Variants in OCA2 observed in about 807,000 individuals in gnomAD.
The protein encoded by OCA2 is OCA2 melanosomal transmembrane protein, also known as P protein.
Under a neutral mutation model 100.2 loss-of-function variants are expected in OCA2, and 77 were observed. The ratio of observed to expected loss-of-function variants is 0.77; its 90% CI spans 0.64 to 0.93. OCA2 has a LOEUF of 0.93. Ranked by LOEUF, OCA2 falls within the 40% of genes least tolerant of loss-of-function variation. The pLI, the probability that OCA2 is intolerant of heterozygous loss-of-function variation, is 0.00. For missense variants in OCA2, 1,062 were observed against 1,089.1 expected (o/e 0.98, Z 0.35); for synonymous variants, 432 against 439.2 (o/e 0.98, Z 0.21).
At chr15:27,871,300 C>A in intron 20 of OCA2, 42 bp from the exon 21 acceptor site, 1 of 1,481,804 alleles carries the variant, frequency 6.7e-7, no homozygotes, top group African/African-American at 1.4e-5. Flanking sequence ...CCATCGCATG[C>A]ACTTAGGGTC....
At chr15:27,858,873 C>A (rs528325072) in intron 21 of OCA2, among the ~76,000 whole-genome samples, 2 of 151,642 alleles carry the variant, frequency 1.3e-5, no homozygotes, top group African/African-American at 4.8e-5. Flanking sequence ...TAGAATGAAA[C>A]TAGAAATCAG....
chr15:27,871,258 T>C lies in OCA2; in HGVS notation c.2140A>G (p.Met714Val). The C allele has an allele frequency of 6.2e-7, 1 of 1,612,456 alleles. No individual in the cohort carries two copies. Among genetic ancestry groups the C allele is most frequent in the South Asian group, 1.1e-5 (1 of 91,054 alleles). Residue 714 changes from methionine to valine, a missense_variant and splice_region_variant, in exon 21 of 24, where the codon ATG becomes GTG. Coordinates refer to ENST00000354638, the MANE Select transcript of OCA2 (RefSeq NM_000275.3). Reference protein sequence around the residue: ...VGEQTALLIKMVPEEQRLIAA... With the variant: ...VGEQTALLIKVVPEEQRLIAA... ...ATGAGGCGCTGCTCCTCTGGGACCATCTGGAAGGAGGACAATAGCAGCTGC... is the reference window on the plus strand; with the variant it reads ...ATGAGGCGCTGCTCCTCTGGGACCACCTGGAAGGAGGACAATAGCAGCTGC...
intron 21 of OCA2, among the ~76,000 whole-genome samples, chr15:27,857,454 C>T (rs56801223): frequency 0.034 from 5,180 of 151,950 alleles, 287 homozygotes; most frequent in African/African-American, 0.12. Flanking sequence ...TTTAGTTTTG[C>T]AAGGAAAAGA....
rs769170049 is a variant in OCA2, at chr15:27,755,368, G to A, written c.*20C>T. On this transcript the variant is annotated 3_prime_UTR_variant, in exon 24 of 24. Coordinates refer to ENST00000354638, the MANE Select transcript of OCA2 (RefSeq NM_000275.3). ...ATGGATGAAGTTTCCTTTAGTCTTC[G>A]AGCAATAGATGGATGTCTATTAATT... 81 of 1,568,930 alleles carry A rather than the reference G, an allele frequency of 5.2e-5. No individual in the cohort carries two copies. The Admixed American group carries it at 1.2e-3, about 23-fold the overall frequency.
chr15:27,826,768 G>C (rs975952449), intron 23 of OCA2, among the ~76,000 whole-genome samples: 1 of 152,206 alleles, frequency 6.6e-6, no homozygotes, highest in Non-Finnish European at 1.5e-5. Context: ...AAGGCATCGA[G>C]ACTCCCCACT....
At chr15:27,767,738 AT>A (rs1229191250) in intron 23 of OCA2, among the ~76,000 whole-genome samples, 1 of 148,408 alleles carries the variant, frequency 6.7e-6, no homozygotes, top group African/African-American at 2.4e-5. Context: ...ACTCTGTAAA[AT>A]GGACTAATCA....
At chr15:27,799,988 T>C (rs934156667) in intron 23 of OCA2, among the ~76,000 whole-genome samples, 1 of 152,178 alleles carries the variant, frequency 6.6e-6, no homozygotes, top group Non-Finnish European at 1.5e-5. Flanking sequence ...TGTAAGGATT[T>C]GGGTCATACA....
chr15:28,046,800 T>C (rs1341920942), intron 2 of OCA2, among the ~76,000 whole-genome samples: 1 of 152,212 alleles, frequency 6.6e-6, no homozygotes, highest in Non-Finnish European at 1.5e-5. Context: ...TTGGGGTTAT[T>C]CCTTTTATAG....
chr15:27,815,870 G>A (rs1363583768), intron 23 of OCA2, among the ~76,000 whole-genome samples: 3 of 152,190 alleles, frequency 2.0e-5, no homozygotes, highest in Admixed American at 6.5e-5. Context: ...GGTGGCTCAC[G>A]CCTATAATCC....
chr15:27,822,652 C>T (rs562814382), intron 23 of OCA2, among the ~76,000 whole-genome samples: 2 of 152,168 alleles, frequency 1.3e-5, no homozygotes, highest in African/African-American at 4.8e-5. Context: ...AAGGAAGTTC[C>T]GCATCTTTTC....
intron 23 of OCA2, among the ~76,000 whole-genome samples, chr15:27,832,539 A>T (rs2151320635): frequency 6.6e-6 from 1 of 152,234 alleles, no homozygotes; most frequent in Non-Finnish European, 1.5e-5. Flanking sequence ...TGGGGAAGTC[A>T]CACAGCTCAC....
intron 17 of OCA2, among the ~76,000 whole-genome samples, chr15:27,953,385 T>C (rs115761196): frequency 0.01 from 1,537 of 152,250 alleles, 28 homozygotes; most frequent in African/African-American, 0.035. Flanking sequence ...TGAAGGCTCA[T>C]GGCTGGGCCA....
intron 23 of OCA2, among the ~76,000 whole-genome samples, chr15:27,817,877 T>C (rs548943871): frequency 1.3e-5 from 2 of 152,298 alleles, no homozygotes; most frequent in East Asian, 3.9e-4. Flanking sequence ...TCTGTGCATG[T>C]GTATGTGTAA....
intron 23 of OCA2, among the ~76,000 whole-genome samples, chr15:27,773,827 T>C (rs1293931615): frequency 6.6e-6 from 1 of 152,210 alleles, no homozygotes; most frequent in Non-Finnish European, 1.5e-5. Context: ...TATTCAGGAG[T>C]TGGATACCCA....
chr15:27,785,303 T>C (rs1308696134), intron 23 of OCA2, among the ~76,000 whole-genome samples: 9 of 152,096 alleles, frequency 5.9e-5, no homozygotes, highest in Admixed American at 5.9e-4. Context: ...AACAGGTACA[T>C]AAACAAATTC....
intron 19 of OCA2, among the ~76,000 whole-genome samples, chr15:27,909,881 C>T (rs2038319822): frequency 6.6e-6 from 1 of 152,046 alleles, no homozygotes; most frequent in Admixed American, 6.6e-5. Context: ...CATAAAGTGT[C>T]TTAAAATTAC....
chr15:27,844,997 T>C lies in OCA2; in HGVS notation c.2394A>G (p.Glu798=). 2 of 1,614,100 alleles carry C rather than the reference T, an allele frequency of 1.2e-6. No homozygotes were observed. Among genetic ancestry groups the C allele is most frequent in the Non-Finnish European group, 1.7e-6 (2 of 1,179,958 alleles). The change falls in exon 23 of 24, where the codon GAA becomes GAG. Residue 798 remains glutamate, a synonymous_variant. Coordinates refer to ENST00000354638, the MANE Select transcript of OCA2 (RefSeq NM_000275.3). ...TGAAGGAGAACCCATATCCATGCTG[T>C]TCTGCAATCCCTGCACACACGACGT... is the stretch of plus-strand genomic sequence containing the variant. ...SANVVCAGIA[E]QHGYGFSFME...
At chr15:27,743,242 C>T in the OCA2 span, among the ~76,000 whole-genome samples, 1 of 152,166 alleles carries the variant, frequency 6.6e-6, no homozygotes, top group African/African-American at 2.4e-5. Context: ...ATCTGAATGG[C>T]ACGCATCCCA....
At chr15:27,972,820 GTTATT>G (rs200881214) in intron 14 of OCA2, among the ~76,000 whole-genome samples, 9,945 of 73,706 alleles carry the variant, frequency 0.13, 910 homozygotes, top group African/African-American at 0.23. Context: ...TACTTTGATG[GTTATT>G]TTATTTTATT....
Sources: allele counts gnomAD v4.1 joint callset (sites outside exome capture counted in the v4.1 genomes callset), GRCh38; gene constraint gnomAD v4.1.1; transcripts MANE v1.5; gene names NCBI Gene and HGNC (gene_info 2026-07-23, HGNC 2026-07-21).